DCC: variants seen among roughly 807,000 people sequenced by gnomAD.
DCC encodes the protein netrin receptor DCC.
DCC carries 58 observed loss-of-function variants against 172.5 expected under a neutral mutation model. That is an observed-to-expected ratio of 0.34 (90% confidence interval 0.27 to 0.42). DCC has a LOEUF of 0.42. DCC is among the 10% of genes least tolerant of loss of function. The pLI is 1.00. For missense variants in DCC, 1,740 were observed against 1,791.0 expected, an observed-to-expected ratio of 0.97 and a Z score of 0.51; for synonymous variants, 709 against 644.5, an observed-to-expected ratio of 1.10 and a Z score of -1.52.
At chr18:53,048,432 C>A (rs918028566) in intron 5 of DCC, among the ~76,000 whole-genome samples, 1 of 150,922 alleles carries the variant, frequency 6.6e-6, no homozygotes, top group Non-Finnish European at 1.5e-5. Context: ...CGACTCCATC[C>A]ACGTTGCTTT....
intron 2 of DCC, among the ~76,000 whole-genome samples, chr18:52,782,725 T>G (rs2037571001): frequency 6.6e-6 from 1 of 152,036 alleles, no homozygotes; most frequent in Admixed American, 6.6e-5. Context: ...CTGCTTGGCT[T>G]TATTCCAACC....
chr18:53,525,129 C>T (rs996845540), intron 27 of DCC, among the ~76,000 whole-genome samples: 2 of 152,048 alleles, frequency 1.3e-5, no homozygotes, highest in Non-Finnish European at 2.9e-5. Context: ...TAACAAATTA[C>T]TAGTATCATT....
At chr18:52,578,662 C>T (rs1485407103) in intron 1 of DCC, among the ~76,000 whole-genome samples, 1 of 152,082 alleles carries the variant, frequency 6.6e-6, no homozygotes, top group African/African-American at 2.4e-5. Flanking sequence ...ATGAAACTAT[C>T]TTCTGAAAGC....
At chr18:52,824,252 G>A (rs892774184) in intron 2 of DCC, among the ~76,000 whole-genome samples, 2 of 152,160 alleles carry the variant, frequency 1.3e-5, no homozygotes, top group African/African-American at 2.4e-5. Context: ...TAACTGGAAA[G>A]TTATTCTGTT....
At chr18:52,999,204 T>A (rs190643610) in intron 5 of DCC, among the ~76,000 whole-genome samples, 1 of 152,090 alleles carries the variant, frequency 6.6e-6, no homozygotes, top group South Asian at 2.1e-4. Context: ...AACAACATTT[T>A]TTTTTTGTAT....
intron 3 of DCC, 110 bp downstream of exon 3, chr18:52,906,438 A>C: frequency 8.8e-7 from 1 of 1,139,694 alleles, no homozygotes; most frequent in East Asian, 2.5e-5. Flanking sequence ...TGTATTGTTC[A>C]TTGCGTTTTG....
At chr18:52,556,007 T>A (rs528118387) in intron 1 of DCC, among the ~76,000 whole-genome samples, 34 of 152,274 alleles carry the variant, frequency 2.2e-4, no homozygotes, top group Non-Finnish European at 3.8e-4. Context: ...AGTCATTACA[T>A]CCATTGGTGT....
chr18:52,599,004 C>T lies in DCC; in HGVS notation c.92-153050C>T, dbSNP rs369317007. ...CATGAGGGAGAGGCCCTCATAGCCT[C>T]ATCACCTCTTAAAGGCTACATCTCT... On this transcript the variant is annotated intron_variant, in intron 1 of 28. Coordinates refer to ENST00000442544, the MANE Select transcript of DCC (RefSeq NM_005215.4). 1.1e-3 allele frequency among the ~76,000 whole-genome samples: 174 copies of T among 152,260 alleles called. 1 individual carries two copies. The highest frequency in any genetic ancestry group is 3.9e-3 in the African/African-American group (163 of 41,548).
chr18:52,411,870 G>A (rs16954911), intron 1 of DCC, among the ~76,000 whole-genome samples: 5,282 of 152,146 alleles, frequency 0.035, 161 homozygotes, highest in African/African-American at 0.078. Context: ...TCATTGTCAA[G>A]CCACAAGCAA....
chr18:52,688,500 G>A (rs1476599718), intron 1 of DCC, among the ~76,000 whole-genome samples: 4 of 152,086 alleles, frequency 2.6e-5, no homozygotes, highest in African/African-American at 9.7e-5. Context: ...AGGAAATGGG[G>A]AGATGTAGAT....
At chr18:53,321,505 G>A (rs942770629) in intron 13 of DCC, among the ~76,000 whole-genome samples, 7 of 151,932 alleles carry the variant, frequency 4.6e-5, no homozygotes, top group African/African-American at 1.7e-4. Flanking sequence ...ATCATCATAG[G>A]GATTGATTTT....
chr18:52,427,868 C>T (rs1301341543), intron 1 of DCC, among the ~76,000 whole-genome samples: 1 of 132,592 alleles, frequency 7.5e-6, no homozygotes, highest in African/African-American at 2.6e-5. Flanking sequence ...TCCTTCCTTC[C>T]TTCCTTCCTT....
At chr18:52,397,776 A>G (rs577928060) in intron 1 of DCC, among the ~76,000 whole-genome samples, 76 of 151,960 alleles carry the variant, frequency 5.0e-4, no homozygotes, top group African/African-American at 1.7e-3. Flanking sequence ...TCTACCTTTG[A>G]GTTTGTATAA....
intron 1 of DCC, among the ~76,000 whole-genome samples, chr18:52,680,969 C>T (rs1177742334): frequency 6.6e-6 from 1 of 151,990 alleles, no homozygotes; most frequent in East Asian, 1.9e-4. Context: ...AACTATAATG[C>T]CTGAAAACTA....
At chr18:53,274,774 A>G (rs1247854862) in intron 12 of DCC, among the ~76,000 whole-genome samples, 1 of 152,088 alleles carries the variant, frequency 6.6e-6, no homozygotes, top group East Asian at 1.9e-4. Context: ...GCCCTTATTG[A>G]TCGAAGTGTG....
At chr18:52,493,831 C>T (rs2144610073) in intron 1 of DCC, among the ~76,000 whole-genome samples, 1 of 152,050 alleles carries the variant, frequency 6.6e-6, no homozygotes, top group South Asian at 2.1e-4. Flanking sequence ...ACTGCATTTA[C>T]CCTTTTTTGT....
intron 5 of DCC, among the ~76,000 whole-genome samples, chr18:52,956,963 C>G (rs67973712): frequency 0.051 from 7,749 of 152,094 alleles, 344 homozygotes; most frequent in East Asian, 0.21. Flanking sequence ...GCCGAAAACA[C>G]GCATATTGCT....
intron 2 of DCC, among the ~76,000 whole-genome samples, chr18:52,786,032 C>T (rs1223399562): frequency 1.3e-5 from 2 of 152,086 alleles, no homozygotes; most frequent in Non-Finnish European, 2.9e-5. Context: ...TTAGAAGGTG[C>T]TACTGTTTAT....
intron 2 of DCC, among the ~76,000 whole-genome samples, chr18:52,828,036 C>T (rs563269289): frequency 6.6e-6 from 1 of 152,176 alleles, no homozygotes; most frequent in South Asian, 2.1e-4. Flanking sequence ...AATTAGGTAG[C>T]CTGTCCTGTG....
Sources: allele counts gnomAD v4.1 joint callset (sites outside exome capture counted in the v4.1 genomes callset), GRCh38; gene constraint gnomAD v4.1.1; transcripts MANE v1.5; gene names NCBI Gene and HGNC (gene_info 2026-07-23, HGNC 2026-07-21).